The following ADGRD1 variants were observed in gnomAD, a reference collection of about 807,000 sequenced individuals.
ADGRD1 encodes the protein adhesion G protein-coupled receptor D1.
Under a neutral mutation model 113.4 loss-of-function variants are expected in ADGRD1, and 77 were observed. The ratio of observed to expected loss-of-function variants is 0.68; its 90% CI spans 0.57 to 0.82. ADGRD1 has a LOEUF of 0.82. Ranked by LOEUF, ADGRD1 falls within the 40% of genes least tolerant of loss-of-function variation. The pLI is 0.00. For missense variants in ADGRD1, 1,036 were observed against 1,139.1 expected (o/e 0.91, Z 1.30); for synonymous variants, 474 against 475.0 (o/e 1.00, Z 0.03).
intron 14 of ADGRD1, among the ~76,000 whole-genome samples, chr12:131,078,331 C>T (rs1386283529): frequency 6.6e-6 from 1 of 152,248 alleles, no homozygotes; most frequent in Non-Finnish European, 1.5e-5. Flanking sequence ...CGGGATGCCT[C>T]ACTCTGGCTA....
At chr12:131,051,866 C>T (rs568784739) in intron 13 of ADGRD1, among the ~76,000 whole-genome samples, 2 of 152,304 alleles carry the variant, frequency 1.3e-5, no homozygotes, top group African/African-American at 4.8e-5. Flanking sequence ...ATTCTGTTTC[C>T]AGAGTGGTGG....
chr12:131,026,472 T>C (rs1478367583), intron 13 of ADGRD1: 1 of 152,230 alleles, frequency 6.6e-6, no homozygotes, highest in Admixed American at 6.5e-5. Flanking sequence ...GGAGCCGAGC[T>C]CCGGAGCGCT....
chr12:131,016,350 C>T (rs941185449), intron 13 of ADGRD1, among the ~76,000 whole-genome samples: 2 of 152,246 alleles, frequency 1.3e-5, no homozygotes, highest in African/African-American at 4.8e-5. Flanking sequence ...GAGACGCTTG[C>T]TGAGTGAGTG....
At chr12:131,106,391 C>T (rs1017516631) in intron 17 of ADGRD1, among the ~76,000 whole-genome samples, 41 of 152,210 alleles carry the variant, frequency 2.7e-4, no homozygotes, top group African/African-American at 9.7e-4. Flanking sequence ...GTGGGGGGTT[C>T]TCTGGGGCCC....
At chr12:131,097,198 G>T in intron 15 of ADGRD1, among the ~76,000 whole-genome samples, 1 of 152,188 alleles carries the variant, frequency 6.6e-6, no homozygotes, top group Non-Finnish European at 1.5e-5. Context: ...GATGGCCCCA[G>T]ACTGATGCAC....
intron 3 of ADGRD1, chr12:130,970,385 C>T (rs1024663634): frequency 2.0e-5 from 3 of 152,152 alleles, no homozygotes; most frequent in African/African-American, 7.2e-5. Flanking sequence ...TCCATTTAAC[C>T]TTGCAATATA....
chr12:130,994,865 G>T (rs1023425900), intron 8 of ADGRD1, among the ~76,000 whole-genome samples: 2 of 152,188 alleles, frequency 1.3e-5, no homozygotes, highest in Admixed American at 6.5e-5. Context: ...GTGGCCAGGG[G>T]CATGTCCAGT....
intron 4 of ADGRD1, among the ~76,000 whole-genome samples, chr12:130,981,527 G>A (rs746165959): frequency 6.6e-6 from 1 of 151,714 alleles, no homozygotes. Context: ...GCATGATCCC[G>A]GGGAGTGGGG....
rs1436489796 is a variant in ADGRD1, at chr12:131,041,836, C to G, written c.1473+27496C>G. 1.3e-5 allele frequency among the ~76,000 whole-genome samples: 2 copies of G among 152,222 alleles called. No individual in the cohort carries two copies. The highest frequency in any genetic ancestry group is 2.9e-5 in the Non-Finnish European group (2 of 68,030). On this transcript the variant is annotated intron_variant, in intron 13 of 24. Transcript: ENST00000261654. The surrounding 1 kb of genome is among the most constrained non-coding windows in gnomAD (Gnocchi z 4.4). The stretch of plus-strand genomic sequence containing the variant: ...GTCTTTGCCCACGTCACATTCCCTC[C>G]CCACGGTCCTCCTTTCCTGGGTTAT...
chr12:130,991,846 C>T (rs866766186), intron 7 of ADGRD1, among the ~76,000 whole-genome samples: 1 of 152,082 alleles, frequency 6.6e-6, no homozygotes, highest in Non-Finnish European at 1.5e-5. Context: ...AGCAGCCAGG[C>T]ACAGTTGCTC....
chr12:131,043,461 C>G (rs985337402), intron 13 of ADGRD1, among the ~76,000 whole-genome samples: 1 of 152,222 alleles, frequency 6.6e-6, no homozygotes, highest in Non-Finnish European at 1.5e-5. Context: ...ACTGCCCTGG[C>G]AAAACATGAC....
At chr12:130,990,934 A>T (rs1874297674) in intron 6 of ADGRD1, 80 bp from the exon 7 acceptor site, 1 of 1,104,166 alleles carries the variant, frequency 9.1e-7, no homozygotes, top group Admixed American at 1.8e-5. Context: ...AAGCCAGTAC[A>T]TTTTTAACAA....
intron 13 of ADGRD1, among the ~76,000 whole-genome samples, chr12:131,051,313 TC>T (rs751163437): frequency 6.6e-6 from 1 of 152,212 alleles, no homozygotes; most frequent in Non-Finnish European, 1.5e-5. Context: ...TCATTTTCCT[TC>T]TTTTCTGCTG....
At chr12:131,020,008 C>A (rs573990295) in intron 13 of ADGRD1, among the ~76,000 whole-genome samples, 4 of 109,950 alleles carry the variant, frequency 3.6e-5, no homozygotes, top group African/African-American at 1.3e-4. Flanking sequence ...GGGGCAGGAC[C>A]CTGAGCTCCA....
chr12:130,995,403 C>A (rs1472337017), intron 8 of ADGRD1, among the ~76,000 whole-genome samples: 1 of 152,222 alleles, frequency 6.6e-6, no homozygotes, highest in South Asian at 2.1e-4. Flanking sequence ...GAAACACTTT[C>A]TTTTTAAGCT....
In ADGRD1 at chr12:131,136,177, G is replaced by T. The variant is rs752861201; in HGVS notation, c.2394+14G>T. 1 of 1,613,350 alleles carries T rather than the reference G, an allele frequency of 6.2e-7. No homozygotes were observed. Among genetic ancestry groups the T allele is most frequent in the East Asian group, 2.2e-5 (1 of 44,820 alleles). ...AACTCCCTGCAGGTGAGAGCCGCGG[G>T]GACTGGCGGGGAGGCAGGGCCGCCA... On this transcript the variant is annotated intron_variant, in intron 22 of 24. Transcript: ENST00000261654.
intron 13 of ADGRD1, among the ~76,000 whole-genome samples, chr12:131,017,295 GTC>G (rs1878686027): frequency 1.2e-5 from 1 of 80,922 alleles, no homozygotes; most frequent in African/African-American, 5.1e-5. Context: ...AGTGCACACA[GTC>G]CACACACACC....
chr12:130,961,862 A>C (rs1870403879), intron 2 of ADGRD1, among the ~76,000 whole-genome samples: 1 of 152,260 alleles, frequency 6.6e-6, no homozygotes. Flanking sequence ...TCTGCTTTAA[A>C]AAATGAAGAC....
chr12:131,106,043 G>A (rs1566115342), intron 17 of ADGRD1, among the ~76,000 whole-genome samples, 178 bp downstream of exon 17: 1 of 152,116 alleles, frequency 6.6e-6, no homozygotes, highest in Non-Finnish European at 1.5e-5. Context: ...GCTGGTTTCT[G>A]TGCTGCACGC....
Sources: gnomAD v4.1 joint callset for allele counts (sites outside exome capture counted in the v4.1 genomes callset) on GRCh38, gnomAD v4.1.1 for gene constraint, Gnocchi (gnomAD v3.1) non-coding constraint, MANE v1.5 for transcripts, NCBI Gene and HGNC (gene_info 2026-07-23, HGNC 2026-07-21) for gene names.